Variants in UNC5D observed in about 807,000 individuals in gnomAD.
The protein encoded by UNC5D is unc-5 netrin receptor D.
A neutral mutation model predicts 105.4 loss-of-function variants in UNC5D; 39 were observed. That is an observed-to-expected ratio of 0.37 (90% CI 0.29 to 0.48). The LOEUF (loss-of-function observed/expected upper bound fraction) is 0.48. UNC5D is among the 20% of genes least tolerant of loss of function. The pLI, the probability that UNC5D is intolerant of heterozygous loss-of-function variation, is 0.98. For missense variants in UNC5D, 991 were observed against 1,202.4 expected (o/e 0.82, Z 2.60); for synonymous variants, 452 against 450.4 (o/e 1.00, Z -0.04).
chr8:35,606,150 G>A lies in UNC5D; in HGVS notation c.570+10493G>A, dbSNP rs747001479. On this transcript the variant is annotated intron_variant, in intron 4 of 16. Transcript: ENST00000404895. The stretch of plus-strand genomic sequence containing the variant: ...TTACAGGCACCCACCACCATGCCTG[G>A]CTAATTTTTGTATTTTTAGTAGAGA... Among the ~76,000 whole-genome samples the A allele has an allele frequency of 3.5e-4, 53 of 151,906 alleles. 1 individual carries two copies. The highest frequency in any genetic ancestry group is 1.6e-4 in the Non-Finnish European group (11 of 67,962).
At chr8:35,417,824 T>C (rs1024056969) in intron 1 of UNC5D, among the ~76,000 whole-genome samples, 3 of 152,186 alleles carry the variant, frequency 2.0e-5, no homozygotes, top group Non-Finnish European at 4.4e-5. Context: ...TGCTTCCATA[T>C]TTCTAAGCAA....
chr8:35,761,423 G>A (rs961513783), intron 14 of UNC5D, among the ~76,000 whole-genome samples: 6 of 152,162 alleles, frequency 3.9e-5, no homozygotes, highest in Non-Finnish European at 8.8e-5. Context: ...CCAGGAAGAA[G>A]AGGCTTAGGG....
At chr8:35,353,097 G>C (rs1031308150) in intron 1 of UNC5D, among the ~76,000 whole-genome samples, 3 of 152,032 alleles carry the variant, frequency 2.0e-5, no homozygotes, top group Non-Finnish European at 4.4e-5. Context: ...CACAACAAAA[G>C]CTACCCTAAG....
chr8:35,478,093 C>T (rs1810241803), intron 1 of UNC5D, among the ~76,000 whole-genome samples: 1 of 152,072 alleles, frequency 6.6e-6, no homozygotes, highest in Non-Finnish European at 1.5e-5. Flanking sequence ...CTCTTCCTTC[C>T]CATTGTCATT....
At chr8:35,553,205 G>A (rs1249061662) in intron 2 of UNC5D, among the ~76,000 whole-genome samples, 1 of 152,092 alleles carries the variant, frequency 6.6e-6, no homozygotes, top group Non-Finnish European at 1.5e-5. Context: ...ATTCAACAGT[G>A]CACCCTCTTC....
rs1055979604 is a variant in UNC5D, at chr8:35,785,130, G to A, written c.2658-5229G>A. 6.6e-5 allele frequency among the ~76,000 whole-genome samples: 10 copies of A among 152,034 alleles called. No individual in the cohort carries two copies. In the East Asian group the frequency reaches 1.7e-3, roughly 27 times the overall value. On this transcript the variant is annotated intron_variant, in intron 16 of 16. Transcript: ENST00000404895. Reference sequence around the variant, plus strand: ...GCTGTGAATTCTGTTTTGTAGTACTGTATTAACAATGTTCCCTGAATGGTG... The same window carrying A: ...GCTGTGAATTCTGTTTTGTAGTACTATATTAACAATGTTCCCTGAATGGTG...
rs532872135 is a variant in UNC5D, at chr8:35,397,992, G to A, written c.104-151300G>A. Among the ~76,000 whole-genome samples, 107 of 152,268 alleles carry A rather than the reference G, an allele frequency of 7.0e-4. 2 individuals carry two copies. Among genetic ancestry groups the A allele is most frequent in the South Asian group, 2.9e-3 (14 of 4,828 alleles). On this transcript the variant is annotated intron_variant, in intron 1 of 16. Coordinates refer to ENST00000404895, the MANE Select transcript of UNC5D (RefSeq NM_080872.4). The stretch of plus-strand genomic sequence containing the variant: ...TTTTTGTTACTTTGCATCTATGCTG[G>A]TCTTCTGTCATTTCTCCAAATTCAC...
intron 8 of UNC5D, among the ~76,000 whole-genome samples, chr8:35,711,773 T>G (rs1006259316): frequency 1.6e-4 from 25 of 152,230 alleles, no homozygotes; most frequent in African/African-American, 5.8e-4. Flanking sequence ...CGTATCAAAC[T>G]ATCCCGTTTT....
chr8:35,793,260 A>C lies in UNC5D; in HGVS notation c.*2697A>C, dbSNP rs1803124734. ...CCCACATTTGTGAGATTTACAGACCAAGGTGTGGTGGAGGAGGTAGAATTG... is the reference window on the plus strand; with the variant it reads ...CCCACATTTGTGAGATTTACAGACCCAGGTGTGGTGGAGGAGGTAGAATTG... On this transcript the variant is annotated 3_prime_UTR_variant, in exon 17 of 17. Transcript: ENST00000404895. 2.4e-6 allele frequency: 1 copy of C among 414,584 alleles called. No individual in the cohort carries two copies. Among genetic ancestry groups the C allele is most frequent in the Non-Finnish European group, 4.8e-6 (1 of 206,758 alleles). 25.7% of individuals were successfully genotyped at this position (414,584 alleles called of 1,614,324 possible).
intron 1 of UNC5D, among the ~76,000 whole-genome samples, chr8:35,389,132 T>G (rs1170792025): frequency 6.6e-6 from 1 of 152,244 alleles, no homozygotes; most frequent in Non-Finnish European, 1.5e-5. Flanking sequence ...CTACACTACA[T>G]GTGTATCACA....
chr8:35,626,277 G>A lies in UNC5D; in HGVS notation c.570+30620G>A, dbSNP rs572335927. ...ATAAACTCTATATATTATTCTTAACGTACTTTACGAGTGCTAAAATCATAG... is the reference window on the plus strand; with the variant it reads ...ATAAACTCTATATATTATTCTTAACATACTTTACGAGTGCTAAAATCATAG... On this transcript the variant is annotated intron_variant, in intron 4 of 16. Coordinates refer to ENST00000404895, the MANE Select transcript of UNC5D (RefSeq NM_080872.4). Among the ~76,000 whole-genome samples the A allele has an allele frequency of 2.7e-5, 4 of 150,858 alleles. No individual in the cohort carries two copies. The East Asian group carries it at 7.8e-4, about 29-fold the overall frequency.
In UNC5D at chr8:35,795,524, C is replaced by A. The variant is rs1335336891; in HGVS notation, c.*4961C>A. 2 of 152,010 alleles carry A rather than the reference C, an allele frequency of 1.3e-5. No individual in the cohort carries two copies. Among genetic ancestry groups the A allele is most frequent in the South Asian group, 2.1e-4 (1 of 4,832 alleles). The allele number at this position is 152,010 out of a possible 1,614,324, so 9.4% of individuals were successfully genotyped here. On this transcript the variant is annotated 3_prime_UTR_variant, in exon 17 of 17. Coordinates refer to ENST00000404895, the MANE Select transcript of UNC5D (RefSeq NM_080872.4). ...TCAGCAGAATATCATGCCTTATGAC[C>A]CCATTACTGAAACACAGACATTACA... is the stretch of plus-strand genomic sequence containing the variant.
chr8:35,744,090 G>C (rs187311408), intron 11 of UNC5D, among the ~76,000 whole-genome samples: 5 of 152,336 alleles, frequency 3.3e-5, no homozygotes, highest in African/African-American at 4.8e-5. Context: ...GACATTGACA[G>C]CTTTGAAGAG....
chr8:35,700,650 A>G (rs1827127679), intron 7 of UNC5D, among the ~76,000 whole-genome samples: 1 of 152,172 alleles, frequency 6.6e-6, no homozygotes, highest in Non-Finnish European at 1.5e-5. Flanking sequence ...AGGCGAGACA[A>G]CAGCCTGAAC....
rs1486462932 is a variant in UNC5D, at chr8:35,248,754, A to C, written c.103+12867A>C. Among the ~76,000 whole-genome samples the C allele has an allele frequency of 2.0e-5, 2 of 99,098 alleles. 1 individual carries two copies. The highest frequency in any genetic ancestry group is 8.4e-5 in the African/African-American group (2 of 23,702). The allele number at this position is 99,098 out of a possible 152,430, so 65.0% of individuals were successfully genotyped here. ...ATATATAATATATATAAAATATATA[A>C]ATATATATAATATATTATATAAATA... On this transcript the variant is annotated intron_variant, in intron 1 of 16. Transcript: ENST00000404895.
chr8:35,681,298 G>A (rs1563662664), intron 4 of UNC5D, among the ~76,000 whole-genome samples: 1 of 152,142 alleles, frequency 6.6e-6, no homozygotes, highest in African/African-American at 2.4e-5. Context: ...GAGACAATGT[G>A]ACTCTCAACT....
At chr8:35,645,527 C>CTGTGTGTGTGTGTG (rs374310163) in intron 4 of UNC5D, among the ~76,000 whole-genome samples, 1 of 145,384 alleles carries the variant, frequency 6.9e-6, no homozygotes, top group African/African-American at 2.5e-5. Flanking sequence ...TGTGTGTGTG[C>CTGTGTGTGTGTGTG]TGTGTGTGTG....
chr8:35,595,921 C>A (rs941551671), intron 4 of UNC5D, among the ~76,000 whole-genome samples: 9 of 152,144 alleles, frequency 5.9e-5, no homozygotes, highest in Admixed American at 2.6e-4. Context: ...GTTCTGGGGA[C>A]CTTGAATCAT....
intron 4 of UNC5D, among the ~76,000 whole-genome samples, chr8:35,599,142 C>CAAA (rs34511041): frequency 2.6e-4 from 10 of 38,628 alleles, no homozygotes; most frequent in Non-Finnish European, 3.8e-4. Flanking sequence ...GACTCTGTCT[C>CAAA]AAAAAAAAAA....
Sources: allele counts gnomAD v4.1 joint callset (sites outside exome capture counted in the v4.1 genomes callset), GRCh38; gene constraint gnomAD v4.1.1; transcripts MANE v1.5; gene names NCBI Gene and HGNC (gene_info 2026-07-23, HGNC 2026-07-21).